The following LRCH1 variants were observed in gnomAD, a reference collection of about 807,000 sequenced individuals.
LRCH1 encodes the protein leucine-rich repeat and calponin homology domain-containing protein 1.
In LRCH1, 23 loss-of-function variants were observed where a neutral mutation model predicts 94.9. The ratio of observed to expected loss-of-function variants is 0.24; its 90% CI spans 0.17 to 0.34. LRCH1 has a LOEUF of 0.34. Among genes scored for constraint, LRCH1 ranks in the 10% least tolerant of loss-of-function variants. The probability of loss-of-function intolerance (pLI) is 1.00; values close to 1 mark genes in which losing one functional copy is unlikely to be tolerated. For synonymous variants in LRCH1, 364 were observed against 354.9 expected, an observed-to-expected ratio of 1.03 and a Z score of -0.29; for missense variants, 790 against 945.9, an observed-to-expected ratio of 0.84 and a Z score of 2.16.
chr13:46,705,417 C>A, intron 13 of LRCH1, 113 bp downstream of exon 13: 1 of 959,042 alleles, frequency 1.0e-6, no homozygotes, highest in Non-Finnish European at 1.7e-6. Flanking sequence ...TTAATGAGGC[C>A]AATATTCAGA....
intron 18 of LRCH1, among the ~76,000 whole-genome samples, chr13:46,731,954 A>G (rs1033044660): frequency 3.3e-5 from 5 of 152,346 alleles, no homozygotes; most frequent in African/African-American, 9.6e-5. Context: ...CCCCATGACA[A>G]CTAAGAACTA....
At chr13:46,719,860 T>A (rs2138213153) in intron 16 of LRCH1, among the ~76,000 whole-genome samples, 1 of 152,100 alleles carries the variant, frequency 6.6e-6, no homozygotes, top group African/African-American at 2.4e-5. Flanking sequence ...TAGCCAGGCG[T>A]GGTGGCAGGC....
intron 1 of LRCH1, among the ~76,000 whole-genome samples, chr13:46,564,258 G>A (rs1434994091): frequency 6.6e-6 from 1 of 152,168 alleles, no homozygotes; most frequent in East Asian, 1.9e-4. Flanking sequence ...AACTTGGCAT[G>A]CATTTTCCTA....
intron 1 of LRCH1, among the ~76,000 whole-genome samples, chr13:46,575,509 A>AGT (rs2050293628): frequency 2.4e-5 from 1 of 41,912 alleles, no homozygotes; most frequent in African/African-American, 1.1e-4. Flanking sequence ...TCTGTGCATG[A>AGT]ATGTGTGTGT....
rs1029298240 is a variant in LRCH1, at chr13:46,743,862, CAAATT to C, written c.*2018_*2022del. The C allele has an allele frequency of 8.6e-5, 85 of 983,540 alleles. No homozygotes were observed. Among genetic ancestry groups the C allele is most frequent in the Admixed American group, 1.8e-4 (3 of 16,276 alleles). 60.9% of individuals were successfully genotyped at this position (983,540 alleles called of 1,614,324 possible). A position where few individuals can be genotyped will look rare whatever the true frequency, so the allele number is the denominator to read the frequency against. On this transcript the variant is annotated 3_prime_UTR_variant, in exon 20 of 20. Coordinates refer to ENST00000389797, the MANE Select transcript of LRCH1 (RefSeq NM_001164211.2). ...TAGTTCAATTAAAACATGTTAAAGA[CAAATT>C]AAAAGACATTTATATTTTAATTCTG... is the stretch of plus-strand genomic sequence containing the variant.
Position 46,742,988 on chromosome 13 carries a change from T to G in LRCH1, c.*1140T>G, listed in dbSNP as rs769336462. The G allele has an allele frequency of 6.1e-6, 6 of 985,356 alleles. No homozygotes were observed. The highest frequency in any genetic ancestry group is 4.8e-6 in the Non-Finnish European group (4 of 829,904). 61.0% of individuals were successfully genotyped at this position (985,356 alleles called of 1,614,324 possible). Reference sequence around the variant, plus strand: ...TGGAGCAATGTGATCAGTTTGCATTTAAAAGGAAAAAAAAGAATTTTATCT... The same window carrying G: ...TGGAGCAATGTGATCAGTTTGCATTGAAAAGGAAAAAAAAGAATTTTATCT... On this transcript the variant is annotated 3_prime_UTR_variant, in exon 20 of 20. Transcript: ENST00000389797.
At chr13:46,631,650 T>C (rs940141283) in intron 1 of LRCH1, among the ~76,000 whole-genome samples, 1 of 152,158 alleles carries the variant, frequency 6.6e-6, no homozygotes. Flanking sequence ...TTTAGTTTGG[T>C]ATAGGGAGTC....
At chr13:46,573,933 G>A (rs1449585422) in intron 1 of LRCH1, among the ~76,000 whole-genome samples, 2 of 143,102 alleles carry the variant, frequency 1.4e-5, no homozygotes, top group Non-Finnish European at 3.0e-5. Flanking sequence ...CATGATCTCA[G>A]CTCACTGCAA....
chr13:46,582,370 CTTT>C (rs10686269), intron 1 of LRCH1, among the ~76,000 whole-genome samples: 2 of 79,588 alleles, frequency 2.5e-5, no homozygotes, highest in African/African-American at 1.0e-4. Context: ...TTGCTCTCAT[CTTT>C]TTTTTTTTTT....
At chr13:46,641,774 C>T (rs985073115) in intron 1 of LRCH1, among the ~76,000 whole-genome samples, 1 of 152,166 alleles carries the variant, frequency 6.6e-6, no homozygotes, top group African/African-American at 2.4e-5. Flanking sequence ...AAAACAACAC[C>T]GTGCTTCCAA....
At chr13:46,589,429 A>G (rs528013889) in intron 1 of LRCH1, among the ~76,000 whole-genome samples, 1 of 152,272 alleles carries the variant, frequency 6.6e-6, no homozygotes, top group South Asian at 2.1e-4. Flanking sequence ...TTCTCATTAT[A>G]TCTGGTATCC....
intron 2 of LRCH1, among the ~76,000 whole-genome samples, chr13:46,663,179 A>G (rs1483019442): frequency 2.0e-5 from 3 of 152,216 alleles, no homozygotes; most frequent in African/African-American, 4.8e-5. Flanking sequence ...TATAATATAA[A>G]TATATAAGAT....
chr13:46,564,892 T>C (rs1006505600), intron 1 of LRCH1, among the ~76,000 whole-genome samples: 2 of 152,226 alleles, frequency 1.3e-5, no homozygotes, highest in Admixed American at 6.5e-5. Context: ...GTAGAAAACC[T>C]GTCACTTTCT....
At chr13:46,712,814 T>C (rs1872138465) in intron 15 of LRCH1, among the ~76,000 whole-genome samples, 1 of 152,188 alleles carries the variant, frequency 6.6e-6, no homozygotes, top group Non-Finnish European at 1.5e-5. Flanking sequence ...TTCGTTTGAA[T>C]CCGAGCAAAG....
intron 1 of LRCH1, among the ~76,000 whole-genome samples, chr13:46,599,627 G>A (rs2050604067): frequency 6.6e-6 from 1 of 152,134 alleles, no homozygotes; most frequent in African/African-American, 2.4e-5. Flanking sequence ...ATTAAACTTA[G>A]TAGTATTTTA....
At chr13:46,632,297 G>A (rs2051028072) in intron 1 of LRCH1, among the ~76,000 whole-genome samples, 1 of 152,098 alleles carries the variant, frequency 6.6e-6, no homozygotes, top group African/African-American at 2.4e-5. Context: ...TGGCCATGAG[G>A]ATTTGTGGTA....
chr13:46,557,225 A>G (rs1325126142), intron 1 of LRCH1, among the ~76,000 whole-genome samples: 1 of 152,012 alleles, frequency 6.6e-6, no homozygotes, highest in Non-Finnish European at 1.5e-5. Flanking sequence ...GAAGAAGTTC[A>G]AAAGGGTATT....
At chr13:46,679,401 T>C (rs1166883847) in intron 3 of LRCH1, among the ~76,000 whole-genome samples, 1 of 152,222 alleles carries the variant, frequency 6.6e-6, no homozygotes, top group Non-Finnish European at 1.5e-5. Flanking sequence ...AAGGCCCCCG[T>C]AATTGGGAAA....
chr13:46,750,241 C>A (rs954506416), intron 18 of LRCH1, among the ~76,000 whole-genome samples: 1 of 152,144 alleles, frequency 6.6e-6, no homozygotes, highest in South Asian at 2.1e-4. Flanking sequence ...TGCTCTCTGA[C>A]TGACTCTGTA....
Sources: gnomAD v4.1 joint callset for allele counts (sites outside exome capture counted in the v4.1 genomes callset) on GRCh38, gnomAD v4.1.1 for gene constraint, MANE v1.5 for transcripts, NCBI Gene and HGNC (gene_info 2026-07-23, HGNC 2026-07-21) for gene names.